The following ADAM32 variants were observed in gnomAD, a reference collection of about 807,000 sequenced individuals.
ADAM32 encodes disintegrin and metalloproteinase domain-containing protein 32.
Under a neutral mutation model 114.9 loss-of-function variants are expected in ADAM32, and 89 were observed. That is an observed-to-expected ratio of 0.77 (90% confidence interval 0.65 to 0.92). The LOEUF (loss-of-function observed/expected upper bound fraction) is 0.92, where lower values mean the gene tolerates loss of function less well. Ranked by LOEUF, ADAM32 falls within the 40% of genes least tolerant of loss-of-function variation. ADAM32 has a pLI of 0.00. For synonymous variants in ADAM32, 285 were observed against 307.5 expected (o/e 0.93, Z 0.77); for missense variants, 870 against 932.8 (o/e 0.93, Z 0.88).
chr8:39,119,542 C>T (rs1419527203), intron 2 of ADAM32, among the ~76,000 whole-genome samples: 2 of 152,046 alleles, frequency 1.3e-5, no homozygotes, highest in African/African-American at 4.8e-5. Context: ...AATTATTCTC[C>T]TGTTTTAAAA....
intron 2 of ADAM32, among the ~76,000 whole-genome samples, chr8:39,124,252 A>C (rs1166488387): frequency 2.0e-5 from 3 of 151,518 alleles, no homozygotes; most frequent in Non-Finnish European, 4.4e-5. Context: ...TTCAGCTCCC[A>C]CTTATAAGTG....
chr8:39,239,503 A>G (rs764657124), intron 16 of ADAM32, among the ~76,000 whole-genome samples: 2 of 152,212 alleles, frequency 1.3e-5, no homozygotes, highest in Non-Finnish European at 2.9e-5. Context: ...TCTAAAAACA[A>G]CAACACAATG....
intron 7 of ADAM32, among the ~76,000 whole-genome samples, chr8:39,162,019 T>G (rs1804539849): frequency 6.7e-6 from 1 of 148,262 alleles, no homozygotes; most frequent in South Asian, 2.1e-4. Flanking sequence ...TATATATATA[T>G]ATTTATTATA....
At chr8:39,254,357 C>G in intron 17 of ADAM32, 57 bp from the exon 18 acceptor site, 1 of 1,377,628 alleles carries the variant, frequency 7.3e-7, no homozygotes. Context: ...GCTTGATGCT[C>G]ACCTTCTCTG....
chr8:39,190,491 A>G (rs1448790409), intron 11 of ADAM32, among the ~76,000 whole-genome samples: 1 of 152,226 alleles, frequency 6.6e-6, no homozygotes, highest in South Asian at 2.1e-4. Flanking sequence ...TCATGGCTGT[A>G]TGAATTTACA....
chr8:39,231,104 A>G (rs74336775), intron 14 of ADAM32, among the ~76,000 whole-genome samples: 1,640 of 152,294 alleles, frequency 0.011, 20 homozygotes, highest in Non-Finnish European at 0.015. Flanking sequence ...AGGAATTTTG[A>G]AGATGTAGTT....
At chr8:39,203,760 T>C (rs1807607745) in intron 11 of ADAM32, among the ~76,000 whole-genome samples, 1 of 152,256 alleles carries the variant, frequency 6.6e-6, no homozygotes, top group Non-Finnish European at 1.5e-5. Context: ...GTTTTTGCAG[T>C]GGCTGGTACT....
chr8:39,120,443 AGAACT>A (rs1265532490), intron 2 of ADAM32, among the ~76,000 whole-genome samples: 1 of 152,192 alleles, frequency 6.6e-6, no homozygotes, highest in Non-Finnish European at 1.5e-5. Flanking sequence ...TGAACAGAAT[AGAACT>A]GGTAGAAATA....
chr8:39,114,652 C>T (rs1198691465), intron 1 of ADAM32, among the ~76,000 whole-genome samples: 1 of 152,154 alleles, frequency 6.6e-6, no homozygotes, highest in Non-Finnish European at 1.5e-5. Context: ...TTCAGAATTC[C>T]CTGATTCCCA....
intron 10 of ADAM32, among the ~76,000 whole-genome samples, chr8:39,181,364 C>G (rs1197809348): frequency 6.6e-6 from 1 of 152,146 alleles, no homozygotes; most frequent in Non-Finnish European, 1.5e-5. Context: ...AGCTTCACTC[C>G]TGAGCCAGCG....
chr8:39,225,334 C>G (rs1453297308), intron 14 of ADAM32, among the ~76,000 whole-genome samples: 1 of 152,178 alleles, frequency 6.6e-6, no homozygotes, highest in African/African-American at 2.4e-5. Flanking sequence ...CACAAACACC[C>G]ACTCTACTTC....
At chr8:39,188,067 A>C (rs570896275) in intron 11 of ADAM32, among the ~76,000 whole-genome samples, 22 of 149,564 alleles carry the variant, frequency 1.5e-4, no homozygotes, top group African/African-American at 4.9e-4. Flanking sequence ...AAAAGTGAAA[A>C]TAAGACATTA....
intron 16 of ADAM32, among the ~76,000 whole-genome samples, chr8:39,239,768 G>T (rs887271314): frequency 1.3e-5 from 2 of 152,124 alleles, no homozygotes; most frequent in African/African-American, 2.4e-5. Context: ...AAGTGAGCAG[G>T]AGTAGCTATT....
chr8:39,143,028 GCT>G (rs1473825483), intron 3 of ADAM32, among the ~76,000 whole-genome samples: 1 of 152,062 alleles, frequency 6.6e-6, no homozygotes, highest in Non-Finnish European at 1.5e-5. Context: ...GCATCATGAA[GCT>G]CTCGTGCCAT....
chr8:39,220,001 T>C (rs1266592020), intron 12 of ADAM32, among the ~76,000 whole-genome samples: 1 of 152,138 alleles, frequency 6.6e-6, no homozygotes, highest in African/African-American at 2.4e-5. Context: ...AGAATTTCTT[T>C]TTTAGTTTTC....
chr8:39,116,943 G>A (rs1256641964), intron 1 of ADAM32, among the ~76,000 whole-genome samples: 1 of 152,080 alleles, frequency 6.6e-6, no homozygotes, highest in Admixed American at 6.5e-5. Flanking sequence ...TAGTGCAGTG[G>A]TGTGATCTTG....
rs1346312813 is a variant in ADAM32 at position 39,169,925 on chromosome 8, T to C, written c.843T>C (p.Asp281=). ...AAATTTATTTATTTAGTTATATGGA[T>C]TATCCTCGTTATTTGGGAGCAGTGT... ...HDIAYLLIYM[D]YPRYLGAVFP... The change falls in exon 10 of 25, where the codon GAT becomes GAC. Residue 281 remains aspartate, a synonymous_variant. Coordinates refer to ENST00000379907, the MANE Select transcript of ADAM32 (RefSeq NM_145004.7). 1 of 1,590,024 alleles carries C rather than the reference T, an allele frequency of 6.3e-7. No individual in the cohort carries two copies. Among genetic ancestry groups the C allele is most frequent in the African/African-American group, 1.3e-5 (1 of 74,624 alleles).
intron 2 of ADAM32, chr8:39,130,857 C>A (rs1433851291): frequency 2.2e-6 from 1 of 456,538 alleles, no homozygotes; most frequent in Non-Finnish European, 4.4e-6. Context: ...ATGAATTCTG[C>A]AGTTGTTGGG....
At chr8:39,122,547 A>G (rs569680282) in intron 2 of ADAM32, among the ~76,000 whole-genome samples, 1 of 152,326 alleles carries the variant, frequency 6.6e-6, no homozygotes, top group Admixed American at 6.5e-5. Flanking sequence ...TGGATTTCTA[A>G]CATCCAGAAC....
Sources: allele counts gnomAD v4.1 joint callset (sites outside exome capture counted in the v4.1 genomes callset), GRCh38; gene constraint gnomAD v4.1.1; transcripts MANE v1.5; gene names NCBI Gene and HGNC (gene_info 2026-07-23, HGNC 2026-07-21).